EXOC6B: variants seen among roughly 807,000 people sequenced by gnomAD.
EXOC6B encodes the protein exocyst complex component 6B.
In EXOC6B, 54 loss-of-function variants were observed where a neutral mutation model predicts 113.5. The ratio of observed to expected loss-of-function variants is 0.48; its 90% CI spans 0.38 to 0.60. The LOEUF (loss-of-function observed/expected upper bound fraction) is 0.60, where lower values mean the gene tolerates loss of function less well. Among genes scored for constraint, EXOC6B ranks in the 20% least tolerant of loss-of-function variants. The pLI is 0.00. For missense variants in EXOC6B, 797 were observed against 977.5 expected, an observed-to-expected ratio of 0.82 and a Z score of 2.46; for synonymous variants, 357 against 339.0, an observed-to-expected ratio of 1.05 and a Z score of -0.58.
chr2:72,369,019 G>A (rs1690825858), intron 19 of EXOC6B, among the ~76,000 whole-genome samples: 1 of 152,256 alleles, frequency 6.6e-6, no homozygotes, highest in Non-Finnish European at 1.5e-5. Flanking sequence ...GGCCAGGGCA[G>A]TTAGGCAGGA....
chr2:72,563,158 C>T (rs891644673), intron 7 of EXOC6B, among the ~76,000 whole-genome samples: 2 of 151,874 alleles, frequency 1.3e-5, no homozygotes, highest in South Asian at 2.1e-4. Flanking sequence ...GGATAAATAA[C>T]GAGCTAGTAA....
At chr2:72,263,929 C>A (rs1257087511) in intron 20 of EXOC6B, among the ~76,000 whole-genome samples, 1 of 152,138 alleles carries the variant, frequency 6.6e-6, no homozygotes, top group African/African-American at 2.4e-5. Flanking sequence ...AGCCAGCCAG[C>A]CAGCCAGACA....
chr2:72,187,040 C>T (rs545990819), intron 20 of EXOC6B, among the ~76,000 whole-genome samples: 9 of 152,212 alleles, frequency 5.9e-5, no homozygotes, highest in South Asian at 2.1e-4. Flanking sequence ...GTGTGGAGTC[C>T]GGCCACTGAA....
intron 6 of EXOC6B, among the ~76,000 whole-genome samples, chr2:72,711,845 T>C (rs1484125251): frequency 6.6e-6 from 1 of 152,154 alleles, no homozygotes; most frequent in African/African-American, 2.4e-5. Flanking sequence ...AAGGGGTGAT[T>C]CTGTCAGGTG....
chr2:72,604,571 A>G (rs2104025361), intron 6 of EXOC6B, among the ~76,000 whole-genome samples: 1 of 152,208 alleles, frequency 6.6e-6, no homozygotes, highest in East Asian at 1.9e-4. Flanking sequence ...GCTTTAAGTG[A>G]TTACAAGTTA....
chr2:72,253,913 C>T (rs1405390591), intron 20 of EXOC6B, among the ~76,000 whole-genome samples: 1 of 152,178 alleles, frequency 6.6e-6, no homozygotes, highest in East Asian at 1.9e-4. Flanking sequence ...GTAATCCCAG[C>T]ACTTCGGGAG....
intron 20 of EXOC6B, among the ~76,000 whole-genome samples, chr2:72,200,411 G>A (rs1679420628): frequency 6.6e-6 from 1 of 152,122 alleles, no homozygotes; most frequent in Admixed American, 6.5e-5. Context: ...ACAGGGTTTT[G>A]CTATATTGCC....
chr2:72,459,526 T>C (rs1288146861), intron 18 of EXOC6B, among the ~76,000 whole-genome samples: 1 of 152,248 alleles, frequency 6.6e-6, no homozygotes, highest in East Asian at 1.9e-4. Flanking sequence ...ACAAAATCAA[T>C]GTACAAAAGT....
intron 20 of EXOC6B, among the ~76,000 whole-genome samples, chr2:72,191,712 T>C (rs1359767367): frequency 1.3e-5 from 2 of 152,298 alleles, no homozygotes; most frequent in East Asian, 3.9e-4. Context: ...AGCATTATAA[T>C]AGTAGAACAA....
intron 18 of EXOC6B, among the ~76,000 whole-genome samples, chr2:72,406,081 C>T (rs992414944): frequency 1.3e-5 from 2 of 152,054 alleles, no homozygotes; most frequent in African/African-American, 4.8e-5. Flanking sequence ...GACTTTAAAC[C>T]AACAAAGATC....
At chr2:72,794,958 T>C (rs1461457817) in intron 1 of EXOC6B, among the ~76,000 whole-genome samples, 1 of 152,126 alleles carries the variant, frequency 6.6e-6, no homozygotes, top group African/African-American at 2.4e-5. Context: ...GGCAAAAGCA[T>C]GGAAGTACAA....
At chr2:72,383,267 A>C (rs1325634418) in intron 18 of EXOC6B, among the ~76,000 whole-genome samples, 1 of 152,146 alleles carries the variant, frequency 6.6e-6, no homozygotes, top group African/African-American at 2.4e-5. Context: ...TGATGTCCAC[A>C]ATCTATAAGG....
chr2:72,542,477 A>C (rs1262066433), intron 8 of EXOC6B, among the ~76,000 whole-genome samples: 4 of 152,206 alleles, frequency 2.6e-5, no homozygotes, highest in Non-Finnish European at 5.9e-5. Context: ...GAATCTGAAA[A>C]AGTAAAGAAT....
At chr2:72,217,730 G>T (rs1187159442) in intron 20 of EXOC6B, among the ~76,000 whole-genome samples, 1 of 152,056 alleles carries the variant, frequency 6.6e-6, no homozygotes, top group Non-Finnish European at 1.5e-5. Context: ...TCCTTCTTGG[G>T]GTCTGCTTCA....
chr2:72,558,729 A>G (rs1055560682), intron 8 of EXOC6B, among the ~76,000 whole-genome samples: 1 of 152,102 alleles, frequency 6.6e-6, no homozygotes, highest in African/African-American at 2.4e-5. Flanking sequence ...AGATCATGCC[A>G]TTGCACTCCA....
intron 5 of EXOC6B, among the ~76,000 whole-genome samples, chr2:72,722,795 T>G (rs947568248): frequency 5.3e-5 from 8 of 152,172 alleles, no homozygotes; most frequent in Non-Finnish European, 8.8e-5. Flanking sequence ...GGGGTTTAGT[T>G]ATATTTTGGA....
chr2:72,624,335 G>A (rs1671922698), intron 6 of EXOC6B, among the ~76,000 whole-genome samples: 1 of 152,128 alleles, frequency 6.6e-6, no homozygotes, highest in Admixed American at 6.6e-5. Context: ...CTGGCATCAA[G>A]GTATCCTCCT....
chr2:72,439,305 A>C (rs985658207), intron 18 of EXOC6B, among the ~76,000 whole-genome samples: 1 of 152,206 alleles, frequency 6.6e-6, no homozygotes, highest in African/African-American at 2.4e-5. Context: ...GAAAGTGCTC[A>C]TGGAAGATAC....
intron 3 of EXOC6B, 61 bp downstream of exon 3, chr2:72,733,010 G>T (rs1325225115): frequency 8.9e-7 from 1 of 1,121,484 alleles, no homozygotes; most frequent in Non-Finnish European, 1.3e-6. Context: ...GAATAACATA[G>T]TCATTAAAAG....
Sources: allele counts gnomAD v4.1 joint callset (sites outside exome capture counted in the v4.1 genomes callset), GRCh38; gene constraint gnomAD v4.1.1; transcripts MANE v1.5; gene names NCBI Gene and HGNC (gene_info 2026-07-23, HGNC 2026-07-21).